Variants in KLHL26 observed in about 807,000 individuals in gnomAD.
The protein encoded by KLHL26 is kelch like family member 26, also known as kelch-like protein 26.
Under a neutral mutation model 7.1 loss-of-function variants are expected in KLHL26, and 4 were observed. That is an observed-to-expected ratio of 0.56 (90% CI 0.28 to 1.28). The LOEUF (loss-of-function observed/expected upper bound fraction) is 1.28, where lower values mean the gene tolerates loss of function less well. Ranked by LOEUF, KLHL26 falls within the 50% of genes most tolerant of loss-of-function variation. The pLI, the probability that KLHL26 is intolerant of heterozygous loss-of-function variation, is 0.11. For synonymous variants in KLHL26, 465 were observed against 414.1 expected, an observed-to-expected ratio of 1.12 and a Z score of -1.49; for missense variants, 896 against 924.6, an observed-to-expected ratio of 0.97 and a Z score of 0.40.
In KLHL26 at chr19:18,667,897, A is replaced by G; in HGVS notation, c.500A>G (p.Asn167Ser). Residue 167 changes from asparagine (N) to serine (S), a missense_variant, in exon 3 of 3, where the codon AAC becomes AGC. By Grantham distance (46) the Asn-to-Ser change is conservative. Coordinates refer to ENST00000300976, the MANE Select transcript of KLHL26 (RefSeq NM_018316.3). ...KAAMSVETCL[N>S]IGQMATTFSL... is the part of the protein sequence containing the mutation. ...GCCATGAGCGTGGAGACCTGCCTCA[A>G]CATCGGCCAGATGGCCACCACCTTC... 6.2e-7 allele frequency: 1 copy of G among 1,612,552 alleles called. No individual in the cohort carries two copies. Among genetic ancestry groups the G allele is most frequent in the Non-Finnish European group, 8.5e-7 (1 of 1,179,996 alleles).
At chr19:18,639,740 G>C (rs1976680523) in intron 1 of KLHL26, among the ~76,000 whole-genome samples, 1 of 152,018 alleles carries the variant, frequency 6.6e-6, no homozygotes, top group Admixed American at 6.6e-5. Context: ...CATTTACTGA[G>C]TTGTGCATCC....
At chr19:18,653,577 C>T (rs912166958) in intron 1 of KLHL26, among the ~76,000 whole-genome samples, 73 of 89,554 alleles carry the variant, frequency 8.2e-4, no homozygotes, top group African/African-American at 3.0e-3. Flanking sequence ...ACCCACCCAT[C>T]CACCCTACCA....
At chr19:18,659,091 G>T (rs1170694227) in intron 1 of KLHL26, among the ~76,000 whole-genome samples, 1 of 151,478 alleles carries the variant, frequency 6.6e-6, no homozygotes, top group East Asian at 1.9e-4. Context: ...TCTCTCTCTG[G>T]GTATCTGTCC....
chr19:18,642,192 C>A (rs916534350), intron 1 of KLHL26, among the ~76,000 whole-genome samples: 2 of 152,080 alleles, frequency 1.3e-5, no homozygotes, highest in Non-Finnish European at 2.9e-5. Context: ...GACAGCCAGG[C>A]CTGGAGCACG....
intron 2 of KLHL26, among the ~76,000 whole-genome samples, chr19:18,666,132 G>A (rs771501483): frequency 2.6e-5 from 4 of 152,224 alleles, no homozygotes; most frequent in African/African-American, 2.4e-5. Context: ...GAGGGCCAGC[G>A]TGGACCCGTG....
chr19:18,662,886 C>T (rs1055369487), intron 1 of KLHL26, among the ~76,000 whole-genome samples: 1 of 151,992 alleles, frequency 6.6e-6, no homozygotes, highest in Non-Finnish European at 1.5e-5. Flanking sequence ...GGTAAGCGTC[C>T]CTTCCACTTG....
chr19:18,637,090 TGGC>T lies in KLHL26; in HGVS notation c.44_46del (p.Gly15del), dbSNP rs748026172. ...CCGGCGGTAGCAGCGGTGGTGCTGG[TGGC>T]GGCGGCGCTTTCGGCGCGGGCCCGG... On this transcript the variant is annotated inframe_deletion, in exon 1 of 3. Coordinates refer to ENST00000300976, the MANE Select transcript of KLHL26 (RefSeq NM_018316.3). The T allele has an allele frequency of 1.7e-5, 23 of 1,384,878 alleles. No individual in the cohort carries two copies. The South Asian group carries it at 3.6e-4, about 22-fold the overall frequency. The allele number at this position is 1,384,878 out of a possible 1,614,324, so 85.8% of individuals were successfully genotyped here. A position where few individuals can be genotyped will look rare whatever the true frequency, so the allele number is the denominator to read the frequency against.
chr19:18,668,260 A>G lies in KLHL26; in HGVS notation c.863A>G (p.Gln288Arg). Reference sequence around the variant, plus strand: ...TATCTGCTGGAGGCCTTCAACTACCAGGTGCTGCCCTTCCGGCAGCACGAG... The same window carrying G: ...TATCTGCTGGAGGCCTTCAACTACCGGGTGCTGCCCTTCCGGCAGCACGAG... ...RQYLLEAFNY[Q>R]VLPFRQHEMQ... The change falls in exon 3 of 3, where the codon CAG becomes CGG. Residue 288 changes from glutamine (Q) to arginine (R), a missense_variant. Transcript: ENST00000300976. The G allele has an allele frequency of 6.2e-7, 1 of 1,611,954 alleles. No individual in the cohort carries two copies. Among genetic ancestry groups the G allele is most frequent in the African/African-American group, 1.3e-5 (1 of 75,032 alleles).
intron 1 of KLHL26, among the ~76,000 whole-genome samples, chr19:18,639,656 C>T (rs773702642): frequency 6.6e-6 from 1 of 151,804 alleles, no homozygotes; most frequent in Non-Finnish European, 1.5e-5. Context: ...GTGATCTGCC[C>T]GCTTCAGCCT....
At chr19:18,645,811 C>T (rs940325649) in intron 1 of KLHL26, among the ~76,000 whole-genome samples, 1 of 117,224 alleles carries the variant, frequency 8.5e-6, no homozygotes, top group African/African-American at 3.2e-5. Context: ...GACTCTGTAT[C>T]AAAAAAAAAA....
rs996527912 is a variant in KLHL26, at chr19:18,649,325, C to T, written c.83+12188C>T. Among the ~76,000 whole-genome samples, 1 of 133,818 alleles carries T rather than the reference C, an allele frequency of 7.5e-6. No individual in the cohort carries two copies. Among genetic ancestry groups the T allele is most frequent in the Non-Finnish European group, 1.7e-5 (1 of 59,790 alleles). The allele number at this position is 133,818 out of a possible 152,430, so 87.8% of individuals were successfully genotyped here. A position where few individuals can be genotyped will look rare whatever the true frequency, so the allele number is the denominator to read the frequency against. On this transcript the variant is annotated intron_variant, in intron 1 of 2. Transcript: ENST00000300976. The surrounding 1 kb of genome is among the most constrained non-coding windows in gnomAD (Gnocchi z 4.0). ...TTGAGTGTAGATCCAGTGAGTACCC[C>T]ACCCCGAACAGTCTTCGATGCATAC...
rs1976880154 is a variant in KLHL26, at chr19:18,650,180, G to A, written c.83+13043G>A. On this transcript the variant is annotated intron_variant, in intron 1 of 2. Coordinates refer to ENST00000300976, the MANE Select transcript of KLHL26 (RefSeq NM_018316.3). The surrounding 1 kb of genome is among the most constrained non-coding windows in gnomAD (Gnocchi z 4.2). ...GTGAAATTCCACAGGGGTCAAAGAC[G>A]GACCCGGGCGGGAGCGGTCTGGGCT... Among the ~76,000 whole-genome samples, 1 of 152,036 alleles carries A rather than the reference G, an allele frequency of 6.6e-6. No individual in the cohort carries two copies. The highest frequency in any genetic ancestry group is 6.6e-5 in the Admixed American group (1 of 15,266).
At chr19:18,641,632 CT>C (rs11365552) in intron 1 of KLHL26, among the ~76,000 whole-genome samples, 92,063 of 129,802 alleles carry the variant, frequency 0.71, 32,868 homozygotes, top group African/African-American at 0.91. Flanking sequence ...TTTCTTTTTT[CT>C]TTTTTTTTTT....
intron 1 of KLHL26, among the ~76,000 whole-genome samples, chr19:18,661,412 G>A (rs2052390649): frequency 6.6e-6 from 1 of 152,144 alleles, no homozygotes. Flanking sequence ...GGTCCTCTCT[G>A]TCCAACTTCT....
chr19:18,654,239 C>T (rs1004149992), intron 1 of KLHL26, among the ~76,000 whole-genome samples: 8 of 140,526 alleles, frequency 5.7e-5, no homozygotes, highest in African/African-American at 1.9e-4. Flanking sequence ...TCCATCCACT[C>T]ATCCATTAAC....
At chr19:18,660,455 G>C (rs1021362805) in intron 1 of KLHL26, among the ~76,000 whole-genome samples, 1 of 152,218 alleles carries the variant, frequency 6.6e-6, no homozygotes, top group Non-Finnish European at 1.5e-5. Flanking sequence ...ACCGTCACTC[G>C]AGTGGCCGTC....
rs181085973 is a variant in KLHL26, at chr19:18,650,851, G to A, written c.84-13410G>A. 1.2e-4 allele frequency among the ~76,000 whole-genome samples: 18 copies of A among 152,236 alleles called. No individual in the cohort carries two copies. The highest frequency in any genetic ancestry group is 2.1e-4 in the South Asian group (1 of 4,820). The stretch of plus-strand genomic sequence containing the variant: ...GGGGCTGCGGCTGGGGATGGCCGCC[G>A]CCCACTCGCCCTCAGAATGGCCCTC... On this transcript the variant is annotated intron_variant, in intron 1 of 2. Coordinates refer to ENST00000300976, the MANE Select transcript of KLHL26 (RefSeq NM_018316.3). This position sits in a 1 kb window ranked among gnomAD's most constrained non-coding sequence, Gnocchi z 4.2.
chr19:18,659,115 T>A (rs565932859), intron 1 of KLHL26, among the ~76,000 whole-genome samples: 7 of 151,724 alleles, frequency 4.6e-5, no homozygotes, highest in Non-Finnish European at 1.0e-4. Context: ...TCTCTCTGGG[T>A]CCTGTTTTTC....
At chr19:18,664,614 C>T (rs557033067) in intron 2 of KLHL26, among the ~76,000 whole-genome samples, 171 bp downstream of exon 2, 17 of 151,788 alleles carry the variant, frequency 1.1e-4, no homozygotes, top group South Asian at 8.3e-4. Flanking sequence ...TGGAGTCTCG[C>T]GCTGTTGCCC....
Sources: allele counts gnomAD v4.1 joint callset (sites outside exome capture counted in the v4.1 genomes callset), GRCh38; gene constraint gnomAD v4.1.1; non-coding constraint Gnocchi (gnomAD v3.1); transcripts MANE v1.5; gene names NCBI Gene and HGNC (gene_info 2026-07-23, HGNC 2026-07-21).